PARD3B: variants seen among roughly 807,000 people sequenced by gnomAD.
PARD3B encodes partitioning defective 3 homolog B.
Under a neutral mutation model 130.2 loss-of-function variants are expected in PARD3B, and 103 were observed. That is an observed-to-expected ratio of 0.79 (90% CI 0.67 to 0.93). The LOEUF is 0.93. PARD3B is among the 40% of genes least tolerant of loss of function. PARD3B has a pLI of 0.00. For synonymous variants in PARD3B, 583 were observed against 553.2 expected, an observed-to-expected ratio of 1.05 and a Z score of -0.76; for missense variants, 1,609 against 1,499.2, an observed-to-expected ratio of 1.07 and a Z score of -1.21.
At chr2:204,950,602 G>C (rs1385406560) in intron 2 of PARD3B, among the ~76,000 whole-genome samples, 2 of 152,156 alleles carry the variant, frequency 1.3e-5, no homozygotes, top group Non-Finnish European at 2.9e-5. Context: ...ACCTTGGAAA[G>C]AAACTGAGAT....
intron 20 of PARD3B, among the ~76,000 whole-genome samples, chr2:205,451,159 C>T (rs1399705603): frequency 6.6e-6 from 1 of 152,176 alleles, no homozygotes; most frequent in Non-Finnish European, 1.5e-5. Context: ...GTGGCAAAGC[C>T]TCTTCTTCAT....
chr2:204,671,548 C>G (rs1213055561), intron 1 of PARD3B, among the ~76,000 whole-genome samples: 1 of 152,162 alleles, frequency 6.6e-6, no homozygotes, highest in Non-Finnish European at 1.5e-5. Flanking sequence ...TTCTTCCCCT[C>G]TGAGAAGTCA....
intron 11 of PARD3B, among the ~76,000 whole-genome samples, chr2:205,163,430 G>T (rs1032865397): frequency 2.0e-5 from 3 of 152,210 alleles, no homozygotes; most frequent in Admixed American, 2.0e-4. Context: ...TATGCACTCA[G>T]AATATGAAAT....
chr2:204,937,972 G>A (rs530711108), intron 2 of PARD3B, among the ~76,000 whole-genome samples: 3 of 152,302 alleles, frequency 2.0e-5, no homozygotes, highest in Admixed American at 1.3e-4. Context: ...GTAAAGAGCA[G>A]AGAACTTCTT....
intron 2 of PARD3B, among the ~76,000 whole-genome samples, chr2:204,891,669 C>T (rs1042186439): frequency 1.3e-5 from 2 of 152,316 alleles, no homozygotes; most frequent in South Asian, 4.1e-4. Flanking sequence ...ACATTCTTCT[C>T]TGAACTCTTG....
intron 10 of PARD3B, among the ~76,000 whole-genome samples, chr2:205,134,781 C>T (rs1309558685): frequency 6.6e-6 from 1 of 152,152 alleles, no homozygotes; most frequent in Non-Finnish European, 1.5e-5. Flanking sequence ...ATGATAAATG[C>T]TGTGGTTCAG....
intron 22 of PARD3B, among the ~76,000 whole-genome samples, chr2:205,593,280 C>G (rs2054454299): frequency 6.6e-6 from 1 of 152,244 alleles, no homozygotes; most frequent in South Asian, 2.1e-4. Flanking sequence ...TTATTTTTCC[C>G]CACCTTGATT....
chr2:204,984,977 C>A (rs983725077), intron 3 of PARD3B, among the ~76,000 whole-genome samples: 3 of 144,904 alleles, frequency 2.1e-5, no homozygotes, highest in African/African-American at 7.5e-5. Context: ...GCAAGTCATT[C>A]AGTACAGCCC....
At chr2:205,005,290 T>C (rs1575538155) in intron 3 of PARD3B, among the ~76,000 whole-genome samples, 1 of 152,272 alleles carries the variant, frequency 6.6e-6, no homozygotes, top group East Asian at 1.9e-4. Flanking sequence ...AATCCAAAGT[T>C]TGTTACACTG....
chr2:205,602,591 A>G (rs541541986), intron 22 of PARD3B, among the ~76,000 whole-genome samples: 72 of 152,220 alleles, frequency 4.7e-4, no homozygotes, highest in African/African-American at 1.7e-3. Context: ...TTCCTGATTC[A>G]GTCTTGGGAG....
intron 18 of PARD3B, among the ~76,000 whole-genome samples, chr2:205,375,869 G>A (rs2045026484): frequency 6.6e-6 from 1 of 152,164 alleles, no homozygotes; most frequent in Admixed American, 6.5e-5. Context: ...TAAATGTTAA[G>A]AAGGAAGAGG....
At chr2:204,991,386 T>G (rs1196626096) in intron 3 of PARD3B, among the ~76,000 whole-genome samples, 1 of 144,086 alleles carries the variant, frequency 6.9e-6, no homozygotes, top group African/African-American at 2.6e-5. Context: ...TTCATCCATG[T>G]CCCTACAAAG....
In PARD3B at chr2:205,577,499, C is replaced by T. The variant is rs61638653; in HGVS notation, c.3260+24096C>T. On this transcript the variant is annotated intron_variant, in intron 22 of 22. Transcript: ENST00000406610. ...ATAATTCAGAGGATTTGATGCACTG[C>T]GGGTGATAGGTGAATTATAAAAGAG... Among the ~76,000 whole-genome samples, 1,202 of 152,070 alleles carry T rather than the reference C, an allele frequency of 7.9e-3. 17 individuals carry two copies. Among genetic ancestry groups the T allele is most frequent in the African/African-American group, 0.026 (1,079 of 41,466 alleles).
chr2:205,491,256 C>G (rs891558745), intron 20 of PARD3B, among the ~76,000 whole-genome samples: 1 of 152,176 alleles, frequency 6.6e-6, no homozygotes, highest in African/African-American at 2.4e-5. Flanking sequence ...ACATTTAAGT[C>G]TTTAATCCAT....
intron 22 of PARD3B, among the ~76,000 whole-genome samples, chr2:205,581,833 C>T (rs757908844): frequency 6.6e-6 from 1 of 152,070 alleles, no homozygotes; most frequent in Non-Finnish European, 1.5e-5. Context: ...TGGAAGTAGG[C>T]ATAACTCCAA....
rs1056903456 is a variant in PARD3B, at chr2:205,405,654, G to A, written c.2741+4531G>A. 2.6e-5 allele frequency among the ~76,000 whole-genome samples: 4 copies of A among 152,152 alleles called. No homozygotes were observed. Among genetic ancestry groups the A allele is most frequent in the Non-Finnish European group, 4.4e-5 (3 of 68,034 alleles). ...TAACCTTGGCCTGCTGAGCATCGGC[G>A]TTAGTGATGGTGACCCGTTGATCAG... On this transcript the variant is annotated intron_variant, in intron 19 of 22. Transcript: ENST00000406610. This position sits in a 1 kb window ranked among gnomAD's most constrained non-coding sequence, Gnocchi z 4.1.
intron 5 of PARD3B, among the ~76,000 whole-genome samples, chr2:205,108,760 A>G (rs997277015): frequency 6.6e-6 from 1 of 152,166 alleles, no homozygotes. Flanking sequence ...TTGGTTAGGC[A>G]GTTAAGAACT....
At chr2:204,631,107 C>T (rs2034663648) in intron 1 of PARD3B, among the ~76,000 whole-genome samples, 1 of 152,098 alleles carries the variant, frequency 6.6e-6, no homozygotes, top group Admixed American at 6.5e-5. Context: ...AAATTTCCCT[C>T]TTAACACTGC....
At chr2:204,723,326 A>G (rs2039078345) in intron 2 of PARD3B, among the ~76,000 whole-genome samples, 1 of 152,308 alleles carries the variant, frequency 6.6e-6, no homozygotes, top group Non-Finnish European at 1.5e-5. Context: ...CAATTACTTT[A>G]TAGACATAAT....
Sources: gnomAD v4.1 joint callset for allele counts (sites outside exome capture counted in the v4.1 genomes callset) on GRCh38, gnomAD v4.1.1 for gene constraint, Gnocchi (gnomAD v3.1) non-coding constraint, MANE v1.5 for transcripts, NCBI Gene and HGNC (gene_info 2026-07-23, HGNC 2026-07-21) for gene names.